The following ZBTB37 variants were observed in gnomAD, a reference collection of about 807,000 sequenced individuals.
ZBTB37 encodes zinc finger and BTB domain containing 37.
In ZBTB37, 15 loss-of-function variants were observed where a neutral mutation model predicts 37.7. The ratio of observed to expected loss-of-function variants is 0.40; its 90% CI spans 0.27 to 0.61. The LOEUF is 0.61. ZBTB37 is among the 20% of genes least tolerant of loss of function. The probability of loss-of-function intolerance (pLI) is 0.44; values close to 1 mark genes in which losing one functional copy is unlikely to be tolerated. For missense variants in ZBTB37, 514 were observed against 641.9 expected, an observed-to-expected ratio of 0.80 and a Z score of 2.15; for synonymous variants, 231 against 220.6, an observed-to-expected ratio of 1.05 and a Z score of -0.42.
intron 4 of ZBTB37, among the ~76,000 whole-genome samples, chr1:173,882,472 C>T (rs1242232030): frequency 6.6e-6 from 1 of 152,038 alleles, no homozygotes; most frequent in Non-Finnish European, 1.5e-5. Context: ...GATCTGCTGA[C>T]CTCATGATTC....
At chr1:173,900,107 G>A (rs1657200960) in exon 4 of ZBTB37, 1 of 152,164 alleles carries the variant, frequency 6.6e-6, no homozygotes, top group Non-Finnish European at 1.5e-5. Context: ...ATTGTTAATG[G>A]AGAAAAGGAA....
chr1:173,875,217 T>C (rs1322559035), intron 4 of ZBTB37, among the ~76,000 whole-genome samples: 2 of 151,116 alleles, frequency 1.3e-5, no homozygotes, highest in Non-Finnish European at 2.9e-5. Context: ...TACTATAGTA[T>C]GCACACACTA....
At chr1:173,878,477 T>C (rs1385492364) in intron 4 of ZBTB37, among the ~76,000 whole-genome samples, 1 of 151,946 alleles carries the variant, frequency 6.6e-6, no homozygotes, top group Non-Finnish European at 1.5e-5. Flanking sequence ...GATTAGAAAA[T>C]GGGCAAGGAA....
At chr1:173,893,320 A>T (rs1479602660) in exon 4 of ZBTB37, 1 of 152,260 alleles carries the variant, frequency 6.6e-6, no homozygotes, top group African/African-American at 2.4e-5. Context: ...ATTTCATGGG[A>T]ACATGTTTCC....
At chr1:173,875,478 A>G (rs1167789318) in intron 4 of ZBTB37, among the ~76,000 whole-genome samples, 3 of 151,480 alleles carry the variant, frequency 2.0e-5, no homozygotes, top group Non-Finnish European at 4.4e-5. Context: ...GGCGCCCGCC[A>G]GCACACCTAG....
At chr1:173,882,025 G>A (rs916500013) in intron 4 of ZBTB37, among the ~76,000 whole-genome samples, 53 of 151,658 alleles carry the variant, frequency 3.5e-4, no homozygotes, top group African/African-American at 1.2e-3. Flanking sequence ...CCGCACTCCA[G>A]CCTGGGTGAC....
exon 3 of ZBTB37, chr1:173,871,024 A>G (rs1655526183): frequency 1.2e-6 from 2 of 1,614,126 alleles, no homozygotes; most frequent in African/African-American, 1.3e-5. Flanking sequence ...AGATGGGAGT[A>G]GTGCAGAGGA....
intron 4 of ZBTB37, 88 bp downstream of exon 4, chr1:173,873,654 A>G (rs1383997077): frequency 6.4e-7 from 1 of 1,558,420 alleles, no homozygotes; most frequent in Non-Finnish European, 8.7e-7. Context: ...GAAAAGATGT[A>G]GGAGAGGTAA....
chr1:173,885,981 C>G (rs1384801311), exon 5 of ZBTB37: 10 of 1,551,630 alleles, frequency 6.4e-6, no homozygotes, highest in Non-Finnish European at 8.7e-6. Context: ...TGGCTGTATA[C>G]CCCTGGAGGG....
At chr1:173,874,677 A>G (rs1655822249) in intron 4 of ZBTB37, among the ~76,000 whole-genome samples, 1 of 152,166 alleles carries the variant, frequency 6.6e-6, no homozygotes. Context: ...AAAACATCTT[A>G]ATAGTAAATT....
At chr1:173,899,353 A>G (rs1657173236) in exon 4 of ZBTB37, 1 of 152,190 alleles carries the variant, frequency 6.6e-6, no homozygotes, top group Admixed American at 6.5e-5. Flanking sequence ...ATCTTTTGCT[A>G]TAACACATAC....
At chr1:173,892,455 G>C (rs1254417684) in exon 4 of ZBTB37, 2 of 152,082 alleles carry the variant, frequency 1.3e-5, no homozygotes, top group African/African-American at 4.8e-5. Flanking sequence ...TTTTTGTTCA[G>C]GATAAGCCAG....
chr1:173,890,722 T>C (rs775976281), downstream of ZBTB37: 1 of 152,196 alleles, frequency 6.6e-6, no homozygotes, highest in Non-Finnish European at 1.5e-5. Flanking sequence ...CCAGGCCAAA[T>C]GCTGAGGCTA....
At chr1:173,876,955 C>T (rs1211524175) in intron 4 of ZBTB37, among the ~76,000 whole-genome samples, 1 of 152,112 alleles carries the variant, frequency 6.6e-6, no homozygotes, top group Non-Finnish European at 1.5e-5. Flanking sequence ...TATGATATAT[C>T]CCGTTCCTCC....
At chr1:173,874,769 C>T (rs1382100152) in intron 4 of ZBTB37, among the ~76,000 whole-genome samples, 5 of 152,002 alleles carry the variant, frequency 3.3e-5, no homozygotes, top group Non-Finnish European at 7.4e-5. Context: ...ATTTGTAGTC[C>T]TAGTCAATGC....
exon 3 of ZBTB37, chr1:173,870,503 G>A: frequency 6.2e-7 from 1 of 1,614,212 alleles, no homozygotes; most frequent in South Asian, 1.1e-5. Flanking sequence ...GGGCGGATAT[G>A]CCTGCAACTG....
At chr1:173,877,340 C>T (rs999871065) in intron 4 of ZBTB37, among the ~76,000 whole-genome samples, 1 of 149,956 alleles carries the variant, frequency 6.7e-6, no homozygotes, top group Admixed American at 6.7e-5. Flanking sequence ...AAATCAGTGT[C>T]CACTTAAGGA....
At chr1:173,885,554 A>G in intron 4 of ZBTB37, 82 bp from the exon 5 acceptor site, 1 of 1,200,588 alleles carries the variant, frequency 8.3e-7, no homozygotes, top group South Asian at 1.6e-5. Flanking sequence ...CTTAGTAACA[A>G]GTAAAAATAG....
intron 3 of ZBTB37, among the ~76,000 whole-genome samples, chr1:173,873,152 T>C (rs1557883778): frequency 6.6e-6 from 1 of 152,226 alleles, no homozygotes; most frequent in South Asian, 2.1e-4. Flanking sequence ...GAAACAAAAT[T>C]ATAGGCCCCG....
Sources: gnomAD v4.1 joint callset for allele counts (sites outside exome capture counted in the v4.1 genomes callset) on GRCh38, gnomAD v4.1.1 for gene constraint, MANE v1.5 for transcripts, NCBI Gene and HGNC (gene_info 2026-07-23, HGNC 2026-07-21) for gene names.